The following AGBL4 variants were observed in gnomAD, a reference collection of about 807,000 sequenced individuals.
AGBL4 encodes AGBL carboxypeptidase 4.
AGBL4 carries 58 observed loss-of-function variants against 66.4 expected under a neutral mutation model. That is an observed-to-expected ratio of 0.87 (90% CI 0.71 to 1.09). The LOEUF (loss-of-function observed/expected upper bound fraction) is 1.09. Ranked by LOEUF, AGBL4 falls within the 50% of genes least tolerant of loss-of-function variation. The pLI is 0.00. For missense variants in AGBL4, 579 were observed against 631.0 expected (o/e 0.92, Z 0.88); for synonymous variants, 234 against 222.9 (o/e 1.05, Z -0.44).
rs530844725 is a variant in AGBL4 at position 49,820,624 on chromosome 1, A to G, written c.157+30772T>C. Among the ~76,000 whole-genome samples the G allele has an allele frequency of 2.6e-5, 4 of 152,338 alleles. No homozygotes were observed. The South Asian group carries it at 8.3e-4, about 32-fold the overall frequency. On this transcript the variant is annotated intron_variant, in intron 2 of 13. Coordinates refer to ENST00000371839, the MANE Select transcript of AGBL4 (RefSeq NM_032785.4). ...AAAGTTCCCCAAAGTGGTAACAAGTACATTCCTATCTACTCAACTCAAAGG... is the reference window on the plus strand; with the variant it reads ...AAAGTTCCCCAAAGTGGTAACAAGTGCATTCCTATCTACTCAACTCAAAGG...
rs61645101 is a variant in AGBL4 at position 48,543,722 on chromosome 1, C to T, written c.1268-3984G>A. On this transcript the variant is annotated intron_variant, in intron 11 of 13. Transcript: ENST00000371839. ...GCAAGTGAGTTCTCAGTACCTTCTT[C>T]AAGAAGTCCCCAAGCTGGGGTTGGA... Among the ~76,000 whole-genome samples the T allele has an allele frequency of 6.3e-3, 965 of 152,296 alleles. 22 individuals are homozygous for T. In the East Asian group the frequency reaches 0.069, roughly 11 times the overall value.
chr1:48,780,644 G>A (rs1047108775), intron 6 of AGBL4, among the ~76,000 whole-genome samples: 2 of 152,144 alleles, frequency 1.3e-5, no homozygotes, highest in African/African-American at 2.4e-5. Flanking sequence ...ACCATCTGAT[G>A]TTTGACAAAC....
intron 6 of AGBL4, chr1:48,817,944 A>G (rs1646219781): frequency 1.5e-6 from 1 of 647,426 alleles, no homozygotes; most frequent in Admixed American, 2.5e-5. Flanking sequence ...GTAGGCAAAA[A>G]GCTAATACGT....
intron 6 of AGBL4, among the ~76,000 whole-genome samples, chr1:48,740,103 T>G (rs1001877637): frequency 6.6e-6 from 1 of 152,250 alleles, no homozygotes; most frequent in African/African-American, 2.4e-5. Context: ...CTGCTGTTCC[T>G]TGGAGATGAA....
At chr1:48,807,738 C>T (rs546996825) in intron 6 of AGBL4, among the ~76,000 whole-genome samples, 38 of 152,264 alleles carry the variant, frequency 2.5e-4, no homozygotes, top group African/African-American at 9.1e-4. Flanking sequence ...CACACATCTG[C>T]ATATCAGAAG....
At chr1:48,851,061 T>C (rs1382772968) in intron 6 of AGBL4, among the ~76,000 whole-genome samples, 3 of 152,260 alleles carry the variant, frequency 2.0e-5, no homozygotes, top group Non-Finnish European at 4.4e-5. Context: ...TAATGTGCTA[T>C]ATGAAAACCA....
At chr1:49,120,736 A>C (rs1406610194) in intron 4 of AGBL4, among the ~76,000 whole-genome samples, 1 of 152,068 alleles carries the variant, frequency 6.6e-6, no homozygotes, top group Non-Finnish European at 1.5e-5. Context: ...TATTTCCTGA[A>C]TTTTAATATT....
At chr1:49,435,450 G>C (rs573087813) in intron 3 of AGBL4, among the ~76,000 whole-genome samples, 238 of 152,142 alleles carry the variant, frequency 1.6e-3, no homozygotes, top group Non-Finnish European at 1.9e-3. Context: ...TATTTGTTAA[G>C]TAAATAAATG....
intron 5 of AGBL4, among the ~76,000 whole-genome samples, chr1:48,989,349 G>A (rs1450418090): frequency 6.6e-6 from 1 of 151,882 alleles, no homozygotes; most frequent in Non-Finnish European, 1.5e-5. Context: ...ATCACCTTAA[G>A]CATTTATCTT....
chr1:49,156,673 T>C (rs1470818931), intron 4 of AGBL4, among the ~76,000 whole-genome samples: 1 of 152,104 alleles, frequency 6.6e-6, no homozygotes, highest in Non-Finnish European at 1.5e-5. Flanking sequence ...AGAGAGTGAG[T>C]GCAACCAAGA....
rs962087922 is a variant in AGBL4 at position 49,670,642 on chromosome 1, T to C, written c.282+26671A>G. Among the ~76,000 whole-genome samples the C allele has an allele frequency of 2.6e-5, 4 of 152,294 alleles. No homozygotes were observed. In the East Asian group the frequency reaches 5.8e-4, roughly 22 times the overall value. On this transcript the variant is annotated intron_variant, in intron 3 of 13. Transcript: ENST00000371839. The stretch of plus-strand genomic sequence containing the variant: ...CTTGAGTAATAGCTACAATTCTGAA[T>C]AGGCTCTCCAAATTGCACACTGGTC...
At chr1:49,353,721 C>T (rs1643958542) in intron 3 of AGBL4, among the ~76,000 whole-genome samples, 1 of 152,120 alleles carries the variant, frequency 6.6e-6, no homozygotes, top group African/African-American at 2.4e-5. Flanking sequence ...CCTCAAACCC[C>T]AGGCTCCACG....
intron 4 of AGBL4, among the ~76,000 whole-genome samples, chr1:49,066,297 T>C (rs1401161265): frequency 1.3e-5 from 2 of 152,190 alleles, no homozygotes; most frequent in South Asian, 2.1e-4. Flanking sequence ...CTCATGCCTA[T>C]AATCCCAGTA....
At chr1:48,968,465 A>AG (rs1658631940) in intron 5 of AGBL4, among the ~76,000 whole-genome samples, 1 of 152,084 alleles carries the variant, frequency 6.6e-6, no homozygotes, top group Non-Finnish European at 1.5e-5. Flanking sequence ...TTGTTAGGAG[A>AG]GGGGCATCTA....
rs762442824 is a variant in AGBL4, at chr1:49,624,123, AATT to A, written c.282+73187_282+73189del. The stretch of plus-strand genomic sequence containing the variant: ...CATTCAATAAATGTGAGACATTTTA[AATT>A]ATTATTATCATCATCATAATTACCA... On this transcript the variant is annotated intron_variant, in intron 3 of 13. Transcript: ENST00000371839. Among the ~76,000 whole-genome samples, 18 of 152,150 alleles carry A rather than the reference AATT, an allele frequency of 1.2e-4. No homozygotes were observed. In the East Asian group the frequency reaches 2.1e-3, roughly 18 times the overall value.
intron 1 of AGBL4, among the ~76,000 whole-genome samples, chr1:49,959,576 G>A (rs1209504916): frequency 1.3e-5 from 2 of 152,006 alleles, no homozygotes; most frequent in Non-Finnish European, 2.9e-5. Context: ...AAATAAATGA[G>A]CAAGTGAAAT....
chr1:48,623,788 C>CG (rs1645454773), intron 9 of AGBL4, among the ~76,000 whole-genome samples: 2 of 152,020 alleles, frequency 1.3e-5, no homozygotes, highest in African/African-American at 4.8e-5. Context: ...CCTGCTCAGA[C>CG]GGGGGCATGG....
intron 4 of AGBL4, among the ~76,000 whole-genome samples, chr1:49,130,470 C>T (rs1267743176): frequency 6.6e-6 from 1 of 152,142 alleles, no homozygotes; most frequent in South Asian, 2.1e-4. Context: ...GTCTTTAATC[C>T]ATCTTGAATT....
intron 9 of AGBL4, among the ~76,000 whole-genome samples, chr1:48,616,594 T>G (rs1429753663): frequency 3.3e-5 from 5 of 152,144 alleles, no homozygotes; most frequent in Non-Finnish European, 5.9e-5. Context: ...ATATTCCTCT[T>G]TTGAAAAAAT....
Sources: gnomAD v4.1 joint callset for allele counts (sites outside exome capture counted in the v4.1 genomes callset) on GRCh38, gnomAD v4.1.1 for gene constraint, MANE v1.5 for transcripts, NCBI Gene and HGNC (gene_info 2026-07-23, HGNC 2026-07-21) for gene names.